Variants in SLC35D4 observed in about 807,000 individuals in gnomAD.
SLC35D4 encodes UDP-N-acetylglucosamine transporter SLC35D4.
chr18:23,303,921 AG>A, the SLC35D4 span, among the ~76,000 whole-genome samples: 1 of 147,400 alleles, frequency 6.8e-6, no homozygotes, highest in African/African-American at 2.5e-5. Context: ...AAAAAAAAAA[AG>A]AATTTAGGCT....
At chr18:23,282,859 G>T in the SLC35D4 span, among the ~76,000 whole-genome samples, 1 of 152,106 alleles carries the variant, frequency 6.6e-6, no homozygotes, top group South Asian at 2.1e-4. Flanking sequence ...CCCCTTAAGG[G>T]TCATGAGTAG....
At chr18:23,386,752 T>TA in the SLC35D4 span, among the ~76,000 whole-genome samples, 1 of 142,994 alleles carries the variant, frequency 7.0e-6, no homozygotes. Context: ...GGAGAAAATA[T>TA]AAAAAATGTA....
the SLC35D4 span, among the ~76,000 whole-genome samples, chr18:23,245,570 T>G: frequency 2.6e-5 from 4 of 152,174 alleles, no homozygotes; most frequent in South Asian, 8.3e-4. Flanking sequence ...ACTTTTCATC[T>G]GGATAACTAA....
chr18:23,421,560 T>A, the SLC35D4 span: 13 of 809,386 alleles, frequency 1.6e-5, no homozygotes, highest in Non-Finnish European at 2.5e-5. Context: ...TATTTACTAC[T>A]CTTTTCTCCT....
chr18:23,377,606 CTTATA>C, the SLC35D4 span: 2 of 1,559,802 alleles, frequency 1.3e-6, no homozygotes, highest in African/African-American at 1.4e-5. Flanking sequence ...TAGGTTAAAT[CTTATA>C]TTATGGCTTT....
chr18:23,336,899 A>G, the SLC35D4 span, among the ~76,000 whole-genome samples: 5 of 152,186 alleles, frequency 3.3e-5, no homozygotes, highest in Admixed American at 6.5e-5. Context: ...AATAGAATAC[A>G]AAGTAGAAAA....
the SLC35D4 span, among the ~76,000 whole-genome samples, chr18:23,299,043 T>A: frequency 2.0e-5 from 3 of 152,240 alleles, no homozygotes; most frequent in African/African-American, 7.2e-5. Context: ...GACATACAGG[T>A]AACTCACACC....
the SLC35D4 span, among the ~76,000 whole-genome samples, chr18:23,372,902 G>A: frequency 1.3e-5 from 2 of 151,664 alleles, no homozygotes; most frequent in Non-Finnish European, 2.9e-5. Context: ...GGGGAGAAAA[G>A]GAGGGAGAAA....
At chr18:23,419,265 T>C in the SLC35D4 span, among the ~76,000 whole-genome samples, 1 of 152,024 alleles carries the variant, frequency 6.6e-6, no homozygotes, top group African/African-American at 2.4e-5. Flanking sequence ...GGCTAGATAA[T>C]GTCATGGTCT....
chr18:23,395,527 A>G, the SLC35D4 span, among the ~76,000 whole-genome samples: 1 of 152,236 alleles, frequency 6.6e-6, no homozygotes, highest in Admixed American at 6.5e-5. Flanking sequence ...GCCTTGACCT[A>G]GACTTCTAGG....
chr18:23,395,851 C>T, the SLC35D4 span, among the ~76,000 whole-genome samples: 1 of 152,214 alleles, frequency 6.6e-6, no homozygotes, highest in Non-Finnish European at 1.5e-5. Flanking sequence ...CCCGAATCAG[C>T]CCAAGTCCAA....
chr18:23,314,189 C>T, the SLC35D4 span, among the ~76,000 whole-genome samples: 15 of 152,232 alleles, frequency 9.9e-5, no homozygotes, highest in African/African-American at 3.4e-4. Flanking sequence ...CTTGGAGTGA[C>T]AGTCTCCCAA....
At chr18:23,310,311 C>T in the SLC35D4 span, 3 of 976,988 alleles carry the variant, frequency 3.1e-6, no homozygotes, top group African/African-American at 5.3e-5. Context: ...TAATTATTTG[C>T]AAATATCTAG....
At chr18:23,277,511 C>T in the SLC35D4 span, among the ~76,000 whole-genome samples, 1 of 152,106 alleles carries the variant, frequency 6.6e-6, no homozygotes, top group African/African-American at 2.4e-5. Flanking sequence ...ATACAGATGG[C>T]CTTGGCTGGG....
the SLC35D4 span, among the ~76,000 whole-genome samples, chr18:23,252,351 G>T: frequency 2.6e-5 from 4 of 152,244 alleles, no homozygotes; most frequent in South Asian, 6.2e-4. Flanking sequence ...GCCTAGAAAT[G>T]GTTAAGATGG....
the SLC35D4 span, among the ~76,000 whole-genome samples, chr18:23,294,124 T>C: frequency 6.6e-6 from 1 of 152,130 alleles, no homozygotes; most frequent in Middle Eastern, 3.4e-3. Context: ...CCACAGCATA[T>C]TAGTAATAAT....
the SLC35D4 span, among the ~76,000 whole-genome samples, chr18:23,255,042 T>A: frequency 3.3e-5 from 5 of 152,210 alleles, no homozygotes; most frequent in African/African-American, 1.2e-4. Context: ...TTTGAATAGT[T>A]TTGATGGGCT....
the SLC35D4 span, among the ~76,000 whole-genome samples, chr18:23,291,732 T>C: frequency 6.6e-6 from 1 of 152,202 alleles, no homozygotes; most frequent in Non-Finnish European, 1.5e-5. Flanking sequence ...GGGAGTCACA[T>C]AGCACCATTT....
At chr18:23,314,209 A>T in the SLC35D4 span, among the ~76,000 whole-genome samples, 1 of 152,194 alleles carries the variant, frequency 6.6e-6, no homozygotes, top group African/African-American at 2.4e-5. Flanking sequence ...AATTCTAGCC[A>T]TCCTTGCCTT....
Sources: gnomAD v4.1 joint callset for allele counts (sites outside exome capture counted in the v4.1 genomes callset) on GRCh38, gnomAD v4.1.1 for gene constraint, MANE v1.5 for transcripts, NCBI Gene and HGNC (gene_info 2026-07-23, HGNC 2026-07-21) for gene names.